MACROD2: variants seen among roughly 807,000 people sequenced by gnomAD.
The protein encoded by MACROD2 is mono-ADP ribosylhydrolase 2.
In MACROD2, 36 loss-of-function variants were observed where a neutral mutation model predicts 70.4. That is an observed-to-expected ratio of 0.51 (90% CI 0.39 to 0.68). MACROD2 has a LOEUF of 0.68. Among genes scored for constraint, MACROD2 ranks in the 30% least tolerant of loss-of-function variants. The pLI, the probability that MACROD2 is intolerant of heterozygous loss-of-function variation, is 0.00. For missense variants in MACROD2, 496 were observed against 538.4 expected (o/e 0.92, Z 0.78); for synonymous variants, 172 against 178.8 (o/e 0.96, Z 0.30).
rs11468972 is a variant in MACROD2 at position 14,981,021 on chromosome 20, A to AGTGTGTGT, written c.419-248895_419-248888dup. ...GCCAGAAGGATCCTTTACAAAAAGAAGTGTGTGTGTGTGTGTGTGTGTGTG... is the reference window on the plus strand; with the variant it reads ...GCCAGAAGGATCCTTTACAAAAAGAAGTGTGTGTGTGTGTGTGTGTGTGTGTGTGTGTG... On this transcript the variant is annotated intron_variant, in intron 5 of 17. Transcript: ENST00000684519. Among the ~76,000 whole-genome samples the AGTGTGTGT allele has an allele frequency of 6.6e-3, 955 of 143,744 alleles. 13 individuals carry two copies. Among genetic ancestry groups the AGTGTGTGT allele is most frequent in the Middle Eastern group, 0.047 (13 of 276 alleles). 94.3% of individuals were successfully genotyped at this position (143,744 alleles called of 152,430 possible).
chr20:14,956,653 G>C (rs774088300), intron 5 of MACROD2, among the ~76,000 whole-genome samples: 24 of 152,262 alleles, frequency 1.6e-4, no homozygotes, highest in Non-Finnish European at 3.2e-4. Flanking sequence ...GTTAATTATC[G>C]ATTGTAGGTC....
chr20:14,703,383 A>G (rs2071229942), intron 5 of MACROD2, among the ~76,000 whole-genome samples: 1 of 152,202 alleles, frequency 6.6e-6, no homozygotes, highest in Admixed American at 6.5e-5. Flanking sequence ...TATAATTATG[A>G]GATAATAATA....
At chr20:14,452,578 A>C (rs2084256879) in intron 3 of MACROD2, among the ~76,000 whole-genome samples, 1 of 152,156 alleles carries the variant, frequency 6.6e-6, no homozygotes. Context: ...TGTCTGATGT[A>C]ATTCAGCTCA....
chr20:14,207,891 G>A (rs1418920992), intron 3 of MACROD2, among the ~76,000 whole-genome samples: 2 of 152,224 alleles, frequency 1.3e-5, no homozygotes, highest in African/African-American at 2.4e-5. Flanking sequence ...CATGTAGTGA[G>A]TCCTGGAGGA....
chr20:14,502,553 G>A (rs1023830396), intron 4 of MACROD2, among the ~76,000 whole-genome samples: 1 of 152,132 alleles, frequency 6.6e-6, no homozygotes, highest in Non-Finnish European at 1.5e-5. Flanking sequence ...TACTTTACAG[G>A]TGTGGAATAA....
At chr20:15,121,201 A>AATTT (rs2076027526) in intron 5 of MACROD2, among the ~76,000 whole-genome samples, 1 of 152,166 alleles carries the variant, frequency 6.6e-6, no homozygotes, top group Admixed American at 6.5e-5. Flanking sequence ...TAGTGCTTAC[A>AATTT]ATTTATTTTT....
chr20:15,699,525 A>G (rs2146893129), intron 8 of MACROD2, among the ~76,000 whole-genome samples: 1 of 152,176 alleles, frequency 6.6e-6, no homozygotes, highest in Non-Finnish European at 1.5e-5. Context: ...TTGGTGGTTT[A>G]ATGCTCTGTT....
intron 5 of MACROD2, among the ~76,000 whole-genome samples, chr20:15,074,642 A>G (rs141060173): frequency 1.3e-5 from 2 of 152,302 alleles, no homozygotes; most frequent in East Asian, 3.9e-4. Flanking sequence ...CTCCAGGTAG[A>G]AAGTATCAGA....
At chr20:15,245,168 T>C (rs1414589475) in intron 6 of MACROD2, among the ~76,000 whole-genome samples, 1 of 152,234 alleles carries the variant, frequency 6.6e-6, no homozygotes, top group African/African-American at 2.4e-5. Flanking sequence ...TTAACTGCTT[T>C]GGTTTAAATG....
chr20:15,778,699 G>A (rs1360159820), intron 8 of MACROD2, among the ~76,000 whole-genome samples: 1 of 151,988 alleles, frequency 6.6e-6, no homozygotes, highest in African/African-American at 2.4e-5. Context: ...TACAGAGGTT[G>A]AAATGAATGA....
chr20:15,136,076 G>A (rs1026371814), intron 5 of MACROD2, among the ~76,000 whole-genome samples: 9 of 147,556 alleles, frequency 6.1e-5, no homozygotes, highest in African/African-American at 2.3e-4. Flanking sequence ...ACAAACAAAT[G>A]GAAGAACATT....
intron 8 of MACROD2, among the ~76,000 whole-genome samples, chr20:15,551,142 C>A (rs2048090264): frequency 6.6e-6 from 1 of 151,876 alleles, no homozygotes; most frequent in Non-Finnish European, 1.5e-5. Context: ...TCAGCTGCTC[C>A]ATTTATAGGC....
chr20:14,005,421 T>G (rs2052801216), intron 2 of MACROD2, among the ~76,000 whole-genome samples: 2 of 152,182 alleles, frequency 1.3e-5, no homozygotes, highest in Non-Finnish European at 2.9e-5. Flanking sequence ...TTACCAATTA[T>G]GTAATAATTC....
chr20:14,965,275 T>G (rs1179995146), intron 5 of MACROD2, among the ~76,000 whole-genome samples: 1 of 152,034 alleles, frequency 6.6e-6, no homozygotes, highest in African/African-American at 2.4e-5. Flanking sequence ...AAGTTATATA[T>G]TCAATATTCA....
chr20:15,222,991 C>T (rs547219405), intron 5 of MACROD2, among the ~76,000 whole-genome samples: 28 of 152,230 alleles, frequency 1.8e-4, no homozygotes, highest in African/African-American at 6.7e-4. Flanking sequence ...CAAAGAAAAC[C>T]TTATATCCTA....
intron 3 of MACROD2, among the ~76,000 whole-genome samples, chr20:14,123,241 T>G (rs2054606965): frequency 6.6e-6 from 1 of 152,218 alleles, no homozygotes; most frequent in Non-Finnish European, 1.5e-5. Flanking sequence ...CATTTTATCA[T>G]TGATTATCTG....
intron 8 of MACROD2, among the ~76,000 whole-genome samples, chr20:15,536,453 G>A (rs1242854771): frequency 6.6e-6 from 1 of 152,198 alleles, no homozygotes; most frequent in Non-Finnish European, 1.5e-5. Flanking sequence ...GAAGCTGCAT[G>A]TTAAAAGGCC....
Position 15,889,877 on chromosome 20 carries a change from A to G in MACROD2, c.775+4066A>G, listed in dbSNP as rs1307919300. Among the ~76,000 whole-genome samples the G allele has an allele frequency of 1.3e-5, 2 of 152,124 alleles. 1 individual carries two copies. The highest frequency in any genetic ancestry group is 2.9e-5 in the Non-Finnish European group (2 of 68,012). On this transcript the variant is annotated intron_variant, in intron 10 of 17. Coordinates refer to ENST00000684519, the MANE Select transcript of MACROD2 (RefSeq NM_001351661.2). The stretch of plus-strand genomic sequence containing the variant: ...CCCTCTGCCAGACACAGGGCAAGCT[A>G]GAAAACATGATACATTGTCAAGGAG...
At chr20:15,816,653 TATATCTG>T (rs2063879186) in intron 8 of MACROD2, among the ~76,000 whole-genome samples, 1 of 152,168 alleles carries the variant, frequency 6.6e-6, no homozygotes, top group South Asian at 2.1e-4. Flanking sequence ...CAAGCAAACT[TATATCTG>T]ATACTGATAG....
Sources: allele counts gnomAD v4.1 joint callset (sites outside exome capture counted in the v4.1 genomes callset), GRCh38; gene constraint gnomAD v4.1.1; transcripts MANE v1.5; gene names NCBI Gene and HGNC (gene_info 2026-07-23, HGNC 2026-07-21).